The following KLHL3 variants were observed in gnomAD, a reference collection of about 807,000 sequenced individuals.
The protein encoded by KLHL3 is kelch like family member 3, also known as kelch-like protein 3.
A neutral mutation model predicts 70.5 loss-of-function variants in KLHL3; 19 were observed. The ratio of observed to expected loss-of-function variants is 0.27; its 90% CI spans 0.19 to 0.40. The LOEUF is 0.40. Ranked by LOEUF, KLHL3 falls within the 10% of genes least tolerant of loss-of-function variation. KLHL3 has a pLI of 1.00. For missense variants in KLHL3, 512 were observed against 771.1 expected, an observed-to-expected ratio of 0.66 and a Z score of 3.98; for synonymous variants, 258 against 290.3, an observed-to-expected ratio of 0.89 and a Z score of 1.13.
At chr5:137,681,335 A>C (rs1400130159) in intron 5 of KLHL3, among the ~76,000 whole-genome samples, 3 of 152,310 alleles carry the variant, frequency 2.0e-5, no homozygotes, top group South Asian at 4.2e-4. Flanking sequence ...TGATGTCTAC[A>C]AGGACCCTAC....
chr5:137,669,036 TG>T (rs774874987), intron 6 of KLHL3, among the ~76,000 whole-genome samples: 1 of 152,140 alleles, frequency 6.6e-6, no homozygotes, highest in Non-Finnish European at 1.5e-5. Context: ...TTCTTGTAGT[TG>T]CTTCATTTCA....
chr5:137,711,886 C>G (rs1310998710), intron 2 of KLHL3, among the ~76,000 whole-genome samples: 1 of 151,914 alleles, frequency 6.6e-6, no homozygotes, highest in East Asian at 1.9e-4. Context: ...TGAGTTATCA[C>G]TGCTATTTAA....
intron 5 of KLHL3, among the ~76,000 whole-genome samples, chr5:137,684,693 G>T (rs1225292113): frequency 6.6e-6 from 1 of 152,156 alleles, no homozygotes; most frequent in Non-Finnish European, 1.5e-5. Context: ...ATAACCCTAG[G>T]CCCTGGCCTC....
chr5:137,654,097 G>A (rs1210466004), intron 8 of KLHL3, among the ~76,000 whole-genome samples: 1 of 152,190 alleles, frequency 6.6e-6, no homozygotes, highest in African/African-American at 2.4e-5. Context: ...GGGGGTAGAA[G>A]AAGAGGATTG....
chr5:137,642,105 A>G (rs1007720142), intron 8 of KLHL3, among the ~76,000 whole-genome samples: 4 of 152,242 alleles, frequency 2.6e-5, no homozygotes, highest in Non-Finnish European at 5.9e-5. Flanking sequence ...GCAGAATGAC[A>G]TGTTCGTAAA....
intron 8 of KLHL3, among the ~76,000 whole-genome samples, chr5:137,641,300 T>C (rs1311258090): frequency 2.0e-5 from 3 of 152,182 alleles, no homozygotes; most frequent in East Asian, 3.9e-4. Flanking sequence ...AACTTGAGCA[T>C]ACATCAGAAT....
chr5:137,711,077 A>C (rs1192513590), intron 2 of KLHL3, among the ~76,000 whole-genome samples: 1 of 152,192 alleles, frequency 6.6e-6, no homozygotes, highest in East Asian at 1.9e-4. Flanking sequence ...GTTACTTGGC[A>C]CACTACCCTG....
At chr5:137,719,906 A>C (rs1676366835) in intron 2 of KLHL3, among the ~76,000 whole-genome samples, 2 of 152,238 alleles carry the variant, frequency 1.3e-5, no homozygotes, top group Non-Finnish European at 1.5e-5. Flanking sequence ...GTAACCATAA[A>C]GGATTTTTCC....
At chr5:137,697,830 G>C (rs1484174649) in intron 4 of KLHL3, among the ~76,000 whole-genome samples, 1 of 152,186 alleles carries the variant, frequency 6.6e-6, no homozygotes, top group Non-Finnish European at 1.5e-5. Context: ...AAGAGAGCTG[G>C]TTCCAATTAT....
chr5:137,681,717 T>C (rs1009138327), intron 5 of KLHL3, among the ~76,000 whole-genome samples: 15 of 152,142 alleles, frequency 9.9e-5, no homozygotes, highest in Non-Finnish European at 1.8e-4. Flanking sequence ...CAATAATAAC[T>C]AACTTTTCTT....
At chr5:137,688,400 C>A (rs1221953207) in intron 5 of KLHL3, among the ~76,000 whole-genome samples, 1 of 152,180 alleles carries the variant, frequency 6.6e-6, no homozygotes, top group Non-Finnish European at 1.5e-5. Flanking sequence ...GAGGAAGTCA[C>A]CCGACAGGGA....
At chr5:137,719,105 T>C (rs918003331) in intron 2 of KLHL3, among the ~76,000 whole-genome samples, 2 of 152,228 alleles carry the variant, frequency 1.3e-5, no homozygotes, top group Admixed American at 6.5e-5. Context: ...ATCAACCCTC[T>C]TCTCCAAAGT....
intron 13 of KLHL3, 32 bp downstream of exon 13, chr5:137,628,265 C>T: frequency 6.2e-7 from 1 of 1,612,720 alleles, no homozygotes; most frequent in Non-Finnish European, 8.5e-7. Flanking sequence ...GCACACAACC[C>T]CCAAAGGGGA....
chr5:137,622,851 G>A (rs559691492), intron 14 of KLHL3, among the ~76,000 whole-genome samples: 10 of 152,332 alleles, frequency 6.6e-5, no homozygotes, highest in Middle Eastern at 3.4e-3. Context: ...GGTTGATTCC[G>A]TCAACATCCT....
intron 12 of KLHL3, 123 bp downstream of exon 12, chr5:137,633,914 A>C: frequency 7.9e-7 from 1 of 1,260,834 alleles, no homozygotes; most frequent in Admixed American, 1.8e-5. Context: ...CTCGACCATT[A>C]TGCAATATAT....
At chr5:137,687,021 G>GA (rs1752188904) in intron 5 of KLHL3, among the ~76,000 whole-genome samples, 3 of 71,614 alleles carry the variant, frequency 4.2e-5, no homozygotes, top group Non-Finnish European at 9.3e-5. Flanking sequence ...GGAGGGAGGT[G>GA]GGGGGGTCAG....
chr5:137,656,367 G>C (rs1751345635), intron 8 of KLHL3, among the ~76,000 whole-genome samples: 1 of 152,140 alleles, frequency 6.6e-6, no homozygotes, highest in African/African-American at 2.4e-5. Context: ...GTACCACATG[G>C]CTGCATGGGG....
intron 6 of KLHL3, among the ~76,000 whole-genome samples, chr5:137,670,389 T>A (rs1418570372): frequency 6.6e-6 from 1 of 151,300 alleles, no homozygotes; most frequent in South Asian, 2.1e-4. Flanking sequence ...ATGCAAAAAA[T>A]AGTAGAATAT....
At chr5:137,649,222 C>G (rs1033422068) in intron 8 of KLHL3, among the ~76,000 whole-genome samples, 8 of 152,226 alleles carry the variant, frequency 5.3e-5, no homozygotes, top group Admixed American at 1.3e-4. Flanking sequence ...TACCTCTCCC[C>G]TTAAGTGTGG....
Sources: allele counts gnomAD v4.1 joint callset (sites outside exome capture counted in the v4.1 genomes callset), GRCh38; gene constraint gnomAD v4.1.1; transcripts MANE v1.5; gene names NCBI Gene and HGNC (gene_info 2026-07-23, HGNC 2026-07-21).